Variants in DLG2 observed in about 807,000 individuals in gnomAD.
DLG2 encodes the protein disks large homolog 2.
DLG2 carries 45 observed loss-of-function variants against 132.5 expected under a neutral mutation model. The ratio of observed to expected loss-of-function variants is 0.34; its 90% CI spans 0.27 to 0.44. The LOEUF (loss-of-function observed/expected upper bound fraction) is 0.44, where lower values mean the gene tolerates loss of function less well. Among genes scored for constraint, DLG2 ranks in the 20% least tolerant of loss-of-function variants. The pLI, the probability that DLG2 is intolerant of heterozygous loss-of-function variation, is 1.00. For missense variants in DLG2, 1,045 were observed against 1,196.9 expected (o/e 0.87, Z 1.87); for synonymous variants, 424 against 419.6 (o/e 1.01, Z -0.13).
At chr11:84,006,663 C>T (rs34131208) in intron 11 of DLG2, among the ~76,000 whole-genome samples, 3,407 of 151,536 alleles carry the variant, frequency 0.022, 68 homozygotes, top group Middle Eastern at 0.034. Context: ...TAAAATATTA[C>T]GTATCAATAA....
intron 11 of DLG2, among the ~76,000 whole-genome samples, chr11:83,990,811 G>C (rs1398740269): frequency 6.6e-6 from 1 of 152,056 alleles, no homozygotes; most frequent in Admixed American, 6.6e-5. Context: ...GGATCTGCTA[G>C]GTAAGGTGTT....
intron 7 of DLG2, among the ~76,000 whole-genome samples, chr11:84,463,077 C>A (rs990944181): frequency 2.0e-5 from 3 of 151,138 alleles, no homozygotes; most frequent in African/African-American, 7.3e-5. Flanking sequence ...TCTGAGCCAG[C>A]ACCTTTGACT....
intron 17 of DLG2, chr11:83,790,367 C>T (rs2041209536): frequency 1.1e-6 from 1 of 883,800 alleles, no homozygotes. Context: ...AAGGAAAGAA[C>T]CATCTGGCAG....
intron 6 of DLG2, among the ~76,000 whole-genome samples, chr11:84,738,224 CTT>C (rs1352846524): frequency 2.0e-5 from 3 of 151,684 alleles, no homozygotes; most frequent in Admixed American, 2.0e-4. Flanking sequence ...TCTTTTTTTT[CTT>C]TTTCTTTTTT....
chr11:83,769,261 T>C (rs2094278940), intron 18 of DLG2, among the ~76,000 whole-genome samples: 1 of 152,218 alleles, frequency 6.6e-6, no homozygotes, highest in Non-Finnish European at 1.5e-5. Flanking sequence ...CTTCTCCACA[T>C]GAACCTACCC....
intron 6 of DLG2, among the ~76,000 whole-genome samples, chr11:84,754,028 AG>A (rs2066527112): frequency 6.6e-6 from 1 of 152,206 alleles, no homozygotes; most frequent in Non-Finnish European, 1.5e-5. Flanking sequence ...AACAGCAGGG[AG>A]AAAAGCTTAA....
intron 7 of DLG2, among the ~76,000 whole-genome samples, chr11:84,298,622 T>C (rs942704278): frequency 6.6e-6 from 1 of 152,246 alleles, no homozygotes; most frequent in African/African-American, 2.4e-5. Flanking sequence ...GAAACAGACC[T>C]GTAAGTAACT....
chr11:83,886,842 A>G (rs1414808764), intron 15 of DLG2, among the ~76,000 whole-genome samples: 1 of 152,004 alleles, frequency 6.6e-6, no homozygotes, highest in Non-Finnish European at 1.5e-5. Flanking sequence ...CTGCTCCTGA[A>G]TGACTACTGG....
chr11:84,575,880 A>G (rs1364626870), intron 6 of DLG2, among the ~76,000 whole-genome samples: 1 of 152,166 alleles, frequency 6.6e-6, no homozygotes, highest in Non-Finnish European at 1.5e-5. Flanking sequence ...CTAGCTAAAG[A>G]GTGGAATCAC....
intron 7 of DLG2, among the ~76,000 whole-genome samples, chr11:84,528,761 C>T (rs939000840): frequency 2.0e-5 from 3 of 152,122 alleles, no homozygotes; most frequent in Non-Finnish European, 4.4e-5. Flanking sequence ...TTAGCAGTTC[C>T]CTGATTCTAA....
At chr11:84,611,877 A>C (rs1215925482) in intron 6 of DLG2, among the ~76,000 whole-genome samples, 3 of 152,188 alleles carry the variant, frequency 2.0e-5, no homozygotes, top group African/African-American at 7.2e-5. Flanking sequence ...AGAGTTGTAA[A>C]AATAATGATG....
intron 18 of DLG2, among the ~76,000 whole-genome samples, chr11:83,688,550 T>C (rs1170220014): frequency 2.6e-5 from 4 of 152,160 alleles, no homozygotes; most frequent in Non-Finnish European, 5.9e-5. Flanking sequence ...TTCACCCTCT[T>C]ATTGAACATT....
At chr11:83,495,814 C>A (rs2094120315) in intron 21 of DLG2, among the ~76,000 whole-genome samples, 1 of 152,056 alleles carries the variant, frequency 6.6e-6, no homozygotes, top group Admixed American at 6.6e-5. Context: ...TCAATTCATA[C>A]CAAACACCAA....
intron 5 of DLG2, chr11:85,132,906 T>C (rs2075841494): frequency 2.2e-6 from 1 of 447,342 alleles, no homozygotes. Context: ...GCTTGGATTC[T>C]GTACAGACGG....
intron 7 of DLG2, among the ~76,000 whole-genome samples, chr11:84,468,257 A>G (rs2099099738): frequency 6.6e-6 from 1 of 151,506 alleles, no homozygotes; most frequent in Non-Finnish European, 1.5e-5. Context: ...TTTAGTGCAC[A>G]TGTGATTAAG....
At chr11:83,586,347 TATA>T (rs1323198107) in intron 19 of DLG2, among the ~76,000 whole-genome samples, 1 of 152,242 alleles carries the variant, frequency 6.6e-6, no homozygotes, top group Non-Finnish European at 1.5e-5. Context: ...ACATTTCTGT[TATA>T]GCACAGACAG....
chr11:83,701,137 C>G (rs1162467235), intron 18 of DLG2, among the ~76,000 whole-genome samples: 1 of 151,996 alleles, frequency 6.6e-6, no homozygotes, highest in East Asian at 1.9e-4. Flanking sequence ...TGAGAAACCC[C>G]CTTTGGGTAG....
chr11:83,850,361 G>C (rs543463221), intron 16 of DLG2, among the ~76,000 whole-genome samples: 1 of 152,214 alleles, frequency 6.6e-6, no homozygotes, highest in South Asian at 2.1e-4. Flanking sequence ...CACCGTGTTA[G>C]CCAGGATGGT....
At chr11:83,805,100 A>G (rs1431779033) in intron 17 of DLG2, among the ~76,000 whole-genome samples, 1 of 152,132 alleles carries the variant, frequency 6.6e-6, no homozygotes, top group Admixed American at 6.6e-5. Flanking sequence ...GGAAGCTCAA[A>G]ATACATGGAC....
Sources: allele counts gnomAD v4.1 joint callset (sites outside exome capture counted in the v4.1 genomes callset), GRCh38; gene constraint gnomAD v4.1.1; transcripts MANE v1.5; gene names NCBI Gene and HGNC (gene_info 2026-07-23, HGNC 2026-07-21).